CFAP54: variants seen among roughly 807,000 people sequenced by gnomAD.
The protein encoded by CFAP54 is cilia and flagella associated protein 54.
Under a neutral mutation model 370.4 loss-of-function variants are expected in CFAP54, and 290 were observed. The observed-to-expected ratio is 0.78, with a 90% confidence interval of 0.71 to 0.86. The LOEUF (loss-of-function observed/expected upper bound fraction) is 0.86. Among genes scored for constraint, CFAP54 ranks in the 40% least tolerant of loss-of-function variants. The probability of loss-of-function intolerance (pLI) is 0.00; values close to 1 mark genes in which losing one functional copy is unlikely to be tolerated. For synonymous variants in CFAP54, 1,206 were observed against 1,236.5 expected (o/e 0.98, Z 0.52); for missense variants, 3,399 against 3,528.7 (o/e 0.96, Z 0.93).
At chr12:96,580,092 T>A (rs1048220915) in intron 20 of CFAP54, among the ~76,000 whole-genome samples, 4 of 151,834 alleles carry the variant, frequency 2.6e-5, no homozygotes, top group Non-Finnish European at 5.9e-5. Context: ...TATTTTAGTA[T>A]CTTGCTTCTC....
chr12:96,626,401 A>G (rs942162740), intron 29 of CFAP54, among the ~76,000 whole-genome samples: 2 of 152,020 alleles, frequency 1.3e-5, no homozygotes, highest in Non-Finnish European at 2.9e-5. Context: ...ACAAAAAAAA[A>G]AAAGAAAAAA....
intron 64 of CFAP54, among the ~76,000 whole-genome samples, chr12:96,816,546 T>G (rs1958976316): frequency 1.3e-5 from 2 of 152,234 alleles, no homozygotes; most frequent in Non-Finnish European, 2.9e-5. Context: ...CTGAGAGCTA[T>G]CATTAGGATA....
intron 60 of CFAP54, among the ~76,000 whole-genome samples, chr12:96,767,860 A>T (rs974504314): frequency 2.0e-4 from 31 of 152,340 alleles, no homozygotes; most frequent in Admixed American, 3.9e-4. Flanking sequence ...TGATCTACAC[A>T]TGAGGTGATG....
chr12:96,642,266 A>C (rs544568688), intron 32 of CFAP54, among the ~76,000 whole-genome samples: 2 of 152,068 alleles, frequency 1.3e-5, no homozygotes, highest in Admixed American at 1.3e-4. Context: ...CAAGATGTTC[A>C]TCTTGTACAC....
chr12:96,660,300 C>T (rs571927402), intron 38 of CFAP54, among the ~76,000 whole-genome samples: 4 of 152,224 alleles, frequency 2.6e-5, no homozygotes, highest in South Asian at 2.1e-4. Context: ...CTGCTCCTTC[C>T]GAGGATTTTT....
chr12:96,823,664 C>A (rs1959057025), intron 65 of CFAP54, among the ~76,000 whole-genome samples: 1 of 152,158 alleles, frequency 6.6e-6, no homozygotes, highest in African/African-American at 2.4e-5. Flanking sequence ...GCCATGAACT[C>A]CTTATGGGCT....
chr12:96,677,222 GC>G lies in CFAP54; in HGVS notation c.5564-2376del, dbSNP rs1426632291. Among the ~76,000 whole-genome samples the G allele has an allele frequency of 4.0e-5, 6 of 151,742 alleles. No individual in the cohort carries two copies. The East Asian group carries it at 7.8e-4, about 20-fold the overall frequency. ...GACAGGGTCTTGCTTTATTGTCCAGGCCTGTCTTGAACTCCTGGCTTCAAGG... is the reference window on the plus strand; with the variant it reads ...GACAGGGTCTTGCTTTATTGTCCAGGCTGTCTTGAACTCCTGGCTTCAAGG... On this transcript the variant is annotated intron_variant, in intron 39 of 67. Coordinates refer to ENST00000524981, the MANE Select transcript of CFAP54 (RefSeq NM_001306084.2).
chr12:96,797,098 A>G (rs181853117), intron 63 of CFAP54, among the ~76,000 whole-genome samples: 228 of 152,242 alleles, frequency 1.5e-3, no homozygotes, highest in African/African-American at 5.2e-3. Context: ...CTCATGGACT[A>G]TTTTGACAAG....
At chr12:96,844,865 T>G (rs1285330079) in intron 66 of CFAP54, among the ~76,000 whole-genome samples, 1 of 152,096 alleles carries the variant, frequency 6.6e-6, no homozygotes, top group Non-Finnish European at 1.5e-5. Context: ...AGCCTCTCCC[T>G]CTCCCACCTG....
Position 96,830,809 on chromosome 12 carries a change from G to T in CFAP54, c.9171+1721G>T, listed in dbSNP as rs12581641. Among the ~76,000 whole-genome samples the T allele has an allele frequency of 9.5e-3, 1,445 of 152,178 alleles. 55 individuals carry two copies. The East Asian group carries it at 0.1, about 11-fold the overall frequency. The stretch of plus-strand genomic sequence containing the variant: ...TTCTCCTGCCTCAGCCTCTCGAGCA[G>T]CTGGGACTACAGGCAAGCGCCCCAT... On this transcript the variant is annotated intron_variant, in intron 66 of 67. Coordinates refer to ENST00000524981, the MANE Select transcript of CFAP54 (RefSeq NM_001306084.2).
At chr12:96,795,612 C>T (rs1048045503) in intron 63 of CFAP54, among the ~76,000 whole-genome samples, 4 of 151,904 alleles carry the variant, frequency 2.6e-5, no homozygotes, top group Non-Finnish European at 5.9e-5. Context: ...GCCCAAAAGT[C>T]CAGTCTCACT....
chr12:96,507,549 A>ACACC (rs146524244), intron 4 of CFAP54, among the ~76,000 whole-genome samples: 26 of 143,392 alleles, frequency 1.8e-4, no homozygotes, highest in Admixed American at 3.4e-4. Flanking sequence ...ACACACACAC[A>ACACC]CACACACACA....
intron 46 of CFAP54, among the ~76,000 whole-genome samples, chr12:96,703,085 A>C (rs201112898): frequency 6.6e-6 from 1 of 152,212 alleles, no homozygotes; most frequent in Admixed American, 6.5e-5. Context: ...GAAGGGAAAA[A>C]TTTTTAAAAC....
At position 96,534,194 on chromosome 12, in the gene CFAP54, A is replaced by C. The variant is rs2160501; in HGVS notation, c.1672A>C (p.Thr558Pro). 14 of 1,471,800 alleles carry C rather than the reference A, an allele frequency of 9.5e-6. No individual in the cohort carries two copies. In the Admixed American group the frequency reaches 1.2e-4, roughly 12 times the overall value. The allele number at this position is 1,471,800 out of a possible 1,614,324, so 91.2% of individuals were successfully genotyped here. A position where few individuals can be genotyped will look rare whatever the true frequency, so the allele number is the denominator to read the frequency against. ...GGAAAACTATAAAGAAGGACAGTCA[A>C]CTCAAATTTATTTAAAAAAAATTGC... is the stretch of plus-strand genomic sequence containing the variant. ...PLENYKEGQSTQIYLKKIAVH... is the reference protein window; with the variant it reads ...PLENYKEGQSPQIYLKKIAVH... The change falls in exon 11 of 68, where the codon ACT becomes CCT. Residue 558 changes from threonine (T) to proline (P), a missense_variant. Thr to Pro is a conservative substitution (Grantham distance 38, BLOSUM62 -1). Around this residue, in one of 3 missense-constraint regions of CFAP54, gnomAD observed 2,796 missense variants for 2,869.7 expected, o/e 0.97. Transcript: ENST00000524981.
At chr12:96,633,050 G>A (rs931519610) in intron 32 of CFAP54, among the ~76,000 whole-genome samples, 1 of 152,000 alleles carries the variant, frequency 6.6e-6, no homozygotes, top group Non-Finnish European at 1.5e-5. Context: ...GTGTATAGTT[G>A]ATTTTTTTGC....
intron 35 of CFAP54, among the ~76,000 whole-genome samples, chr12:96,651,024 C>A (rs1468735496): frequency 6.6e-6 from 1 of 152,186 alleles, no homozygotes; most frequent in Non-Finnish European, 1.5e-5. Flanking sequence ...CTCCACCCAA[C>A]ACCCTCACTG....
Position 96,679,304 on chromosome 12 carries a change from A to G in CFAP54, c.5564-296A>G, listed in dbSNP as rs546772527. Among the ~76,000 whole-genome samples, 3 of 152,216 alleles carry G rather than the reference A, an allele frequency of 2.0e-5. No individual in the cohort carries two copies. In the South Asian group the frequency reaches 6.2e-4, roughly 32 times the overall value. ...GGAGTAGATTATTTCATTTTTTATG[A>G]TCAGCAAAAGAAAAAGGAGGCTTCA... On this transcript the variant is annotated intron_variant, in intron 39 of 67. Coordinates refer to ENST00000524981, the MANE Select transcript of CFAP54 (RefSeq NM_001306084.2).
rs17025716 is a variant in CFAP54, at chr12:96,679,944, G to A, written c.5716+192G>A. Among the ~76,000 whole-genome samples, 1,130 of 152,160 alleles carry A rather than the reference G, an allele frequency of 7.4e-3. 8 individuals carry two copies. The highest frequency in any genetic ancestry group is 0.025 in the African/African-American group (1,023 of 41,482). ...AACCAATGCACTTTCTCACTCACTC[G>A]CTTTTATGCTTTCTGTGAAACTATC... is the stretch of plus-strand genomic sequence containing the variant. On this transcript the variant is annotated intron_variant, in intron 40 of 67. Transcript: ENST00000524981.
intron 5 of CFAP54, among the ~76,000 whole-genome samples, chr12:96,516,174 C>A (rs535635900): frequency 1.3e-5 from 2 of 152,168 alleles, no homozygotes; most frequent in African/African-American, 4.8e-5. Flanking sequence ...CTCGGCCTCC[C>A]AAAGTGCTGG....
Sources: allele counts gnomAD v4.1 joint callset (sites outside exome capture counted in the v4.1 genomes callset), GRCh38; gene constraint gnomAD v4.1.1; regional missense constraint gnomAD v4.1.1; transcripts MANE v1.5; gene names NCBI Gene and HGNC (gene_info 2026-07-23, HGNC 2026-07-21).